Variants in TRAPPC12 observed in about 807,000 individuals in gnomAD.
TRAPPC12 encodes the protein trafficking protein particle complex subunit 12.
A neutral mutation model predicts 69.2 loss-of-function variants in TRAPPC12; 61 were observed. The ratio of observed to expected loss-of-function variants is 0.88; its 90% CI spans 0.72 to 1.09. TRAPPC12 has a LOEUF of 1.09. Ranked by LOEUF, TRAPPC12 falls within the 50% of genes least tolerant of loss-of-function variation. The pLI is 0.00. For missense variants in TRAPPC12, 1,101 were observed against 1,016.4 expected (o/e 1.08, Z -1.13); for synonymous variants, 469 against 438.9 (o/e 1.07, Z -0.86).
At chr2:3,406,002 C>T (rs1385711394) in intron 3 of TRAPPC12, among the ~76,000 whole-genome samples, 1 of 152,264 alleles carries the variant, frequency 6.6e-6, no homozygotes. Flanking sequence ...GCGGGAATCC[C>T]GAGAGCTCCA....
intron 2 of TRAPPC12, among the ~76,000 whole-genome samples, chr2:3,391,223 C>T (rs1338228412): frequency 3.3e-5 from 5 of 152,132 alleles, no homozygotes; most frequent in African/African-American, 4.8e-5. Flanking sequence ...AGATCCTGTG[C>T]GTGTCTGTCT....
At chr2:3,389,564 C>A in intron 2 of TRAPPC12, 1 of 431,034 alleles carries the variant, frequency 2.3e-6, no homozygotes. Context: ...GTGCACACAG[C>A]TCTTTTCGAC....
chr2:3,457,678 C>G lies in TRAPPC12; in HGVS notation c.1588C>G (p.Gln530Glu). 1 of 1,611,326 alleles carries G rather than the reference C, an allele frequency of 6.2e-7. No individual in the cohort carries two copies. Residue 530 changes from glutamine to glutamate, a missense_variant, in exon 7 of 12, where the codon CAG (glutamine) becomes GAG (glutamate). Gln to Glu is a conservative substitution (Grantham distance 29). Transcript: ENST00000324266. ...AEDGGMSSVT[Q>E]EGRQASIRLW... Reference sequence around the variant, plus strand: ...AGACGGCGGCATGAGCAGCGTGACTCAGGAGGGCAGACAAGGTGGGTCGGC... The same window carrying G: ...AGACGGCGGCATGAGCAGCGTGACTGAGGAGGGCAGACAAGGTGGGTCGGC...
intron 4 of TRAPPC12, among the ~76,000 whole-genome samples, chr2:3,422,218 C>T (rs1308509335): frequency 1.3e-5 from 2 of 152,202 alleles, no homozygotes; most frequent in Non-Finnish European, 2.9e-5. Context: ...TGCCCACACT[C>T]AGTCTCATGG....
chr2:3,469,164 GT>G (rs373134712), intron 9 of TRAPPC12, among the ~76,000 whole-genome samples: 169 of 152,310 alleles, frequency 1.1e-3, no homozygotes, highest in African/African-American at 3.9e-3. Context: ...AAGCACGTGT[GT>G]TTTCCAGCTC....
chr2:3,434,410 A>G (rs1489014221), intron 5 of TRAPPC12, among the ~76,000 whole-genome samples: 1 of 152,210 alleles, frequency 6.6e-6, no homozygotes, highest in Non-Finnish European at 1.5e-5. Flanking sequence ...GAAGTTGCAG[A>G]TAATGTTTTT....
rs1438082299 is a variant in TRAPPC12 at position 3,421,602 on chromosome 2, G to C, written c.1165-279G>C. The C allele has an allele frequency of 9.2e-6, 6 of 651,772 alleles. No individual in the cohort carries two copies. In the African/African-American group the frequency reaches 1.1e-4, roughly 12 times the overall value. 40.4% of individuals were successfully genotyped at this position (651,772 alleles called of 1,614,324 possible). ...GCTTTCCAATAAAAAGCCTCTTCCC[G>C]ATGTTCTATCGGTTGTTGAATTGTA... On this transcript the variant is annotated intron_variant, in intron 3 of 11. Coordinates refer to ENST00000324266, the MANE Select transcript of TRAPPC12 (RefSeq NM_016030.6).
In TRAPPC12 at chr2:3,388,651, TC is replaced by T. The variant is rs1307547074; in HGVS notation, c.1029del (p.Arg344GlyfsTer13). On this transcript the variant is annotated frameshift_variant, in exon 2 of 12. Coordinates refer to ENST00000324266, the MANE Select transcript of TRAPPC12 (RefSeq NM_016030.6). LOFTEE classifies it high-confidence loss of function. Reference protein sequence around the residue: ...VDKENLTMPGLRFDNIQGDAV... With the variant: ...VDKENLTMPGXRFDNIQGDAV... ...AAGGAGAACCTCACCATGCCGGGCC[TC>T]AGGTTCGACAACATCCAGGTGAGCC... 1 of 1,568,436 alleles carries T rather than the reference TC, an allele frequency of 6.4e-7. No homozygotes were observed. Among genetic ancestry groups the T allele is most frequent in the South Asian group, 1.2e-5 (1 of 85,856 alleles).
chr2:3,388,685 C>T lies in TRAPPC12; in HGVS notation c.1047+15C>T. The T allele has an allele frequency of 6.6e-7, 1 of 1,521,640 alleles. No individual in the cohort carries two copies. The highest frequency in any genetic ancestry group is 8.8e-7 in the Non-Finnish European group (1 of 1,130,340). The allele number at this position is 1,521,640 out of a possible 1,614,324, so 94.3% of individuals were successfully genotyped here. On this transcript the variant is annotated intron_variant, in intron 2 of 11. Transcript: ENST00000324266. ...ACAACATCCAGGTGAGCCCGGGTCT[C>T]CCACCTCCGCAGCCCGTGCCTCCTC... is the stretch of plus-strand genomic sequence containing the variant.
At chr2:3,439,522 G>A (rs1664078139) in intron 5 of TRAPPC12, among the ~76,000 whole-genome samples, 1 of 152,052 alleles carries the variant, frequency 6.6e-6, no homozygotes, top group South Asian at 2.1e-4. Context: ...TGGGATCCCA[G>A]GCATCAGCCA....
At chr2:3,399,535 G>T (rs1289684587) in intron 2 of TRAPPC12, among the ~76,000 whole-genome samples, 1 of 152,148 alleles carries the variant, frequency 6.6e-6, no homozygotes, top group Non-Finnish European at 1.5e-5. Flanking sequence ...AAAACGTGAG[G>T]CTGGCCTCTG....
At chr2:3,453,317 C>G (rs1664951186) in intron 6 of TRAPPC12, among the ~76,000 whole-genome samples, 1 of 152,220 alleles carries the variant, frequency 6.6e-6, no homozygotes, top group African/African-American at 2.4e-5. Flanking sequence ...CCTGACCCAG[C>G]TTCAACCCGT....
At chr2:3,381,660 A>G (rs1252464600) in intron 1 of TRAPPC12, among the ~76,000 whole-genome samples, 1 of 152,216 alleles carries the variant, frequency 6.6e-6, no homozygotes, top group Non-Finnish European at 1.5e-5. Flanking sequence ...ATTATGAACT[A>G]TAAAGACTAC....
At chr2:3,460,435 C>T (rs535624458) in intron 8 of TRAPPC12, 99 bp downstream of exon 8, 12 of 735,658 alleles carry the variant, frequency 1.6e-5, no homozygotes, top group East Asian at 1.0e-4. Context: ...TGGCAGGGAC[C>T]GGCCGTGCAG....
chr2:3,388,819 C>G (rs1660660489), intron 2 of TRAPPC12, 149 bp downstream of exon 2: 1 of 784,870 alleles, frequency 1.3e-6, no homozygotes, highest in Non-Finnish European at 1.9e-6. Flanking sequence ...TCCTCTGTCC[C>G]TGGGTAATTA....
intron 3 of TRAPPC12, among the ~76,000 whole-genome samples, chr2:3,407,599 G>A (rs1193413714): frequency 1.3e-5 from 2 of 152,072 alleles, no homozygotes; most frequent in Admixed American, 6.6e-5. Flanking sequence ...TCAGGAGATC[G>A]AGACCATCCT....
intron 9 of TRAPPC12, among the ~76,000 whole-genome samples, chr2:3,474,496 A>T (rs1219203805): frequency 6.6e-6 from 1 of 152,162 alleles, no homozygotes; most frequent in Non-Finnish European, 1.5e-5. Context: ...AATTAAATTG[A>T]CACTCAGTAT....
chr2:3,478,963 T>C, intron 11 of TRAPPC12, 30 bp downstream of exon 11: 1 of 1,604,362 alleles, frequency 6.2e-7, no homozygotes, highest in South Asian at 1.1e-5. Flanking sequence ...GGATCCTCCA[T>C]CCTCTGCCTT....
At position 3,388,445 on chromosome 2, in the gene TRAPPC12, G is replaced by C. The variant is rs1333171887; in HGVS notation, c.822G>C (p.Pro274=). 1 of 1,608,866 alleles carries C rather than the reference G, an allele frequency of 6.2e-7. No homozygotes were observed. The highest frequency in any genetic ancestry group is 1.3e-5 in the African/African-American group (1 of 74,836). The change falls in exon 2 of 12, where the codon CCG becomes CCC. Residue 274 remains proline, a synonymous_variant. Transcript: ENST00000324266. The part of the protein sequence containing the change: ...AMRGPQAAAP[P]ASPEPFAHIQ... ...GAGGGCCCCAGGCAGCTGCGCCCCC[G>C]GCGTCGCCAGAGCCTTTCGCGCACA... is the stretch of plus-strand genomic sequence containing the variant.
Sources: gnomAD v4.1 joint callset for allele counts (sites outside exome capture counted in the v4.1 genomes callset) on GRCh38, gnomAD v4.1.1 for gene constraint, MANE v1.5 for transcripts, NCBI Gene and HGNC (gene_info 2026-07-23, HGNC 2026-07-21) for gene names.